Variants in MRTFA observed in about 807,000 individuals in gnomAD.
The protein encoded by MRTFA is myocardin-related transcription factor A.
In MRTFA, 20 loss-of-function variants were observed where a neutral mutation model predicts 83.5. That is an observed-to-expected ratio of 0.24 (90% confidence interval 0.17 to 0.35). MRTFA has a LOEUF of 0.35. Among genes scored for constraint, MRTFA ranks in the 10% least tolerant of loss-of-function variants. The pLI is 1.00. For missense variants in MRTFA, 1,200 were observed against 1,224.7 expected, an observed-to-expected ratio of 0.98 and a Z score of 0.30; for synonymous variants, 659 against 541.2, an observed-to-expected ratio of 1.22 and a Z score of -3.02.
Position 40,579,796 on chromosome 22 carries a change from G to T in MRTFA, c.-22+14878C>A, listed in dbSNP as rs1036405398. Among the ~76,000 whole-genome samples the T allele has an allele frequency of 6.9e-4, 104 of 151,438 alleles. 2 individuals carry two copies. The highest frequency in any genetic ancestry group is 1.9e-4 in the Non-Finnish European group (13 of 67,958). ...AATCTCTTGAACCTGGGAGGTGGAG[G>T]TTGCAGTGAGCCAAGACGGCGCCAT... On this transcript the variant is annotated intron_variant, in intron 2 of 14. Transcript: ENST00000355630.
At chr22:40,558,822 G>A (rs1239477544) in intron 2 of MRTFA, among the ~76,000 whole-genome samples, 1 of 147,554 alleles carries the variant, frequency 6.8e-6, no homozygotes, top group African/African-American at 2.5e-5. Flanking sequence ...AGACAGTCTC[G>A]CTCCACCACC....
chr22:40,632,298 T>A (rs1332531086), intron 1 of MRTFA, among the ~76,000 whole-genome samples: 2 of 152,192 alleles, frequency 1.3e-5, no homozygotes, highest in Non-Finnish European at 2.9e-5. Flanking sequence ...GCAATTTTTT[T>A]TTTTTGAGAC....
chr22:40,450,979 C>A (rs1229885688), intron 4 of MRTFA, among the ~76,000 whole-genome samples: 4 of 152,192 alleles, frequency 2.6e-5, no homozygotes, highest in Admixed American at 2.6e-4. Flanking sequence ...GTAGCCTCAT[C>A]TGCAAAATGG....
intron 3 of MRTFA, among the ~76,000 whole-genome samples, chr22:40,468,798 C>T (rs2053853214): frequency 6.6e-6 from 1 of 152,148 alleles, no homozygotes; most frequent in Non-Finnish European, 1.5e-5. Flanking sequence ...TTCTCTTCCC[C>T]CACTCAGATA....
At chr22:40,621,934 A>G (rs1222739279) in intron 1 of MRTFA, among the ~76,000 whole-genome samples, 2 of 152,226 alleles carry the variant, frequency 1.3e-5, no homozygotes, top group African/African-American at 4.8e-5. Flanking sequence ...CAGATGATTT[A>G]GATAATGAGA....
At chr22:40,615,910 C>A (rs185913977) in intron 1 of MRTFA, among the ~76,000 whole-genome samples, 3 of 152,254 alleles carry the variant, frequency 2.0e-5, no homozygotes, top group African/African-American at 7.2e-5. Context: ...GTCTTGAACT[C>A]CTAACCTCAA....
chr22:40,471,242 A>C (rs1039289420), intron 3 of MRTFA, among the ~76,000 whole-genome samples: 6 of 148,274 alleles, frequency 4.0e-5, no homozygotes, highest in African/African-American at 7.4e-5. Flanking sequence ...AAAAAAAAAA[A>C]AAAAACAAGA....
rs2053983829 is a variant in MRTFA, at chr22:40,475,724, A to C, written c.242-12438T>G. Among the ~76,000 whole-genome samples, 3 of 152,272 alleles carry C rather than the reference A, an allele frequency of 2.0e-5. No individual in the cohort carries two copies. In the South Asian group the frequency reaches 6.2e-4, roughly 31 times the overall value. On this transcript the variant is annotated intron_variant, in intron 3 of 14. Transcript: ENST00000355630. ...AAAGAATTGCTTGTTTCTTTAAAAC[A>C]ACAATTAAAATAGTTATGTATTTTT...
intron 2 of MRTFA, among the ~76,000 whole-genome samples, chr22:40,589,841 A>C (rs921246416): frequency 6.6e-6 from 1 of 152,084 alleles, no homozygotes; most frequent in African/African-American, 2.4e-5. Context: ...AGCCTGACCA[A>C]CATGGTGAAA....
At chr22:40,530,080 C>A (rs2055051101) in intron 3 of MRTFA, among the ~76,000 whole-genome samples, 1 of 152,196 alleles carries the variant, frequency 6.6e-6, no homozygotes, top group Non-Finnish European at 1.5e-5. Flanking sequence ...ACTGTTTTCT[C>A]TACAAGTGAA....
chr22:40,514,705 C>G (rs1232815908), intron 3 of MRTFA, among the ~76,000 whole-genome samples: 1 of 151,724 alleles, frequency 6.6e-6, no homozygotes, highest in East Asian at 1.9e-4. Flanking sequence ...GTCTCAAACT[C>G]CTGACCTCAA....
intron 2 of MRTFA, among the ~76,000 whole-genome samples, chr22:40,582,404 T>C (rs902166929): frequency 2.0e-5 from 3 of 152,236 alleles, no homozygotes; most frequent in East Asian, 1.9e-4. Context: ...TGTGTTGGTA[T>C]ATTTTTTCAA....
At chr22:40,553,003 A>T (rs1453795224) in intron 2 of MRTFA, among the ~76,000 whole-genome samples, 1 of 152,196 alleles carries the variant, frequency 6.6e-6, no homozygotes, top group Non-Finnish European at 1.5e-5. Flanking sequence ...TCAGATGGAG[A>T]TGAGGAACTT....
chr22:40,587,279 T>G (rs993273773), intron 2 of MRTFA: 3 of 489,492 alleles, frequency 6.1e-6, no homozygotes, highest in African/African-American at 5.9e-5. Flanking sequence ...ATGTCCCACA[T>G]GCCCATCAGG....
chr22:40,593,185 A>C (rs147435360), intron 2 of MRTFA, among the ~76,000 whole-genome samples: 2 of 152,344 alleles, frequency 1.3e-5, no homozygotes, highest in East Asian at 3.9e-4. Flanking sequence ...AAAAAGAAAA[A>C]AATTAACTCA....
chr22:40,418,938 C>T lies in MRTFA; in HGVS notation c.1800G>A (p.Glu600=), dbSNP rs2147068209. 6.2e-7 allele frequency: 1 copy of T among 1,612,850 alleles called. No individual in the cohort carries two copies. Among genetic ancestry groups the T allele is most frequent in the African/African-American group, 1.3e-5 (1 of 75,058 alleles). ...AACAGGACCCGGCCCGGGGGCCCTC[C>T]TCCTTCACGAGGATCTGCAGTGGCG... Residue 600 remains glutamate (E), a synonymous_variant, in exon 12 of 15, where the codon GAG becomes GAA. Coordinates refer to ENST00000355630, the MANE Select transcript of MRTFA (RefSeq NM_020831.6).
chr22:40,413,743 G>A (rs559709135), intron 14 of MRTFA, among the ~76,000 whole-genome samples: 1 of 152,208 alleles, frequency 6.6e-6, no homozygotes, highest in African/African-American at 2.4e-5. Flanking sequence ...ACGCCCAGCC[G>A]ATTTATCACA....
chr22:40,482,127 G>T (rs946350619), intron 3 of MRTFA, among the ~76,000 whole-genome samples: 2 of 151,814 alleles, frequency 1.3e-5, no homozygotes, highest in Non-Finnish European at 2.9e-5. Flanking sequence ...TCACTGGGTA[G>T]AAGTACTACT....
chr22:40,553,558 G>A (rs892184227), intron 2 of MRTFA, among the ~76,000 whole-genome samples: 1 of 152,154 alleles, frequency 6.6e-6, no homozygotes, highest in African/African-American at 2.4e-5. Context: ...TGAGCCTGCA[G>A]GTGCACAGAA....
Sources: allele counts gnomAD v4.1 joint callset (sites outside exome capture counted in the v4.1 genomes callset), GRCh38; gene constraint gnomAD v4.1.1; transcripts MANE v1.5; gene names NCBI Gene and HGNC (gene_info 2026-07-23, HGNC 2026-07-21).